The following SPIDR variants were observed in gnomAD, a reference collection of about 807,000 sequenced individuals.
SPIDR encodes scaffold protein involved in DNA repair, also known as DNA repair-scaffolding protein.
A neutral mutation model predicts 104.6 loss-of-function variants in SPIDR; 93 were observed. The ratio of observed to expected loss-of-function variants is 0.89; its 90% CI spans 0.75 to 1.06. The LOEUF (loss-of-function observed/expected upper bound fraction) is 1.06, where lower values mean the gene tolerates loss of function less well. Ranked by LOEUF, SPIDR falls within the 50% of genes least tolerant of loss-of-function variation. SPIDR has a pLI of 0.00. For synonymous variants in SPIDR, 431 were observed against 416.9 expected, an observed-to-expected ratio of 1.03 and a Z score of -0.41; for missense variants, 1,154 against 1,111.2, an observed-to-expected ratio of 1.04 and a Z score of -0.55.
intron 10 of SPIDR, among the ~76,000 whole-genome samples, chr8:47,622,671 C>T (rs1432235395): frequency 6.6e-6 from 1 of 152,154 alleles, no homozygotes; most frequent in Non-Finnish European, 1.5e-5. Context: ...AGCATCGGCC[C>T]TGCATGGATG....
At chr8:47,275,262 A>AAACAAAG (rs2036178624) in intron 1 of SPIDR, among the ~76,000 whole-genome samples, 1 of 151,920 alleles carries the variant, frequency 6.6e-6, no homozygotes, top group South Asian at 2.1e-4. Flanking sequence ...CAGTCTCAAA[A>AAACAAAG]AAAAAAGAAA....
At chr8:47,564,152 C>A (rs2057466072) in intron 8 of SPIDR, among the ~76,000 whole-genome samples, 1 of 129,576 alleles carries the variant, frequency 7.7e-6, no homozygotes, top group East Asian at 2.4e-4. Context: ...GATCTCAGTT[C>A]ACTGCAACCT....
chr8:47,311,558 C>T (rs1305470552), intron 5 of SPIDR, among the ~76,000 whole-genome samples: 1 of 152,104 alleles, frequency 6.6e-6, no homozygotes, highest in Non-Finnish European at 1.5e-5. Context: ...GTGGCTTATG[C>T]CTGTAATGCC....
At chr8:47,503,582 C>G (rs1191604824) in intron 8 of SPIDR, among the ~76,000 whole-genome samples, 2 of 151,862 alleles carry the variant, frequency 1.3e-5, no homozygotes, top group Non-Finnish European at 2.9e-5. Context: ...GGTCTCGACT[C>G]TATCCAATTT....
chr8:47,374,755 A>T (rs938949848), intron 5 of SPIDR, among the ~76,000 whole-genome samples: 1 of 152,106 alleles, frequency 6.6e-6, no homozygotes, highest in Non-Finnish European at 1.5e-5. Context: ...CAAGAATGTG[A>T]TTTTAAAACA....
intron 10 of SPIDR, among the ~76,000 whole-genome samples, chr8:47,647,654 GGGAGAGAGA>G (rs2070750082): frequency 2.6e-3 from 256 of 100,008 alleles, no homozygotes; most frequent in African/African-American, 7.7e-3. Flanking sequence ...GAGAGAGAGA[GGGAGAGAGA>G]GAGAGGGAGA....
chr8:47,499,770 T>A (rs929562931), intron 8 of SPIDR, among the ~76,000 whole-genome samples: 1 of 152,092 alleles, frequency 6.6e-6, no homozygotes, highest in African/African-American at 2.4e-5. Context: ...GTATATCTCC[T>A]AATGCTATCC....
At chr8:47,274,204 C>A (rs2154216670) in intron 1 of SPIDR, among the ~76,000 whole-genome samples, 1 of 152,264 alleles carries the variant, frequency 6.6e-6, no homozygotes, top group African/African-American at 2.4e-5. Flanking sequence ...GTATCTTTAC[C>A]TTCCCTATTT....
chr8:47,513,507 C>G (rs2082673636), intron 8 of SPIDR, among the ~76,000 whole-genome samples: 1 of 152,216 alleles, frequency 6.6e-6, no homozygotes, highest in African/African-American at 2.4e-5. Flanking sequence ...ACAGCAGTTA[C>G]ATTAACAACA....
chr8:47,321,897 G>C (rs2046687992), intron 5 of SPIDR, among the ~76,000 whole-genome samples: 1 of 152,146 alleles, frequency 6.6e-6, no homozygotes, highest in Non-Finnish European at 1.5e-5. Context: ...GCCATATGTA[G>C]AAAAGTGAAA....
At chr8:47,346,085 A>G (rs921529372) in intron 5 of SPIDR, among the ~76,000 whole-genome samples, 19 of 152,230 alleles carry the variant, frequency 1.2e-4, no homozygotes, top group Non-Finnish European at 2.4e-4. Context: ...ATTCAGCATG[A>G]CATTGGCTGT....
chr8:47,641,094 T>C (rs2068892193), intron 10 of SPIDR, among the ~76,000 whole-genome samples: 1 of 152,002 alleles, frequency 6.6e-6, no homozygotes, highest in Non-Finnish European at 1.5e-5. Context: ...AAAATGTTTT[T>C]AAATAAGCAA....
intron 5 of SPIDR, among the ~76,000 whole-genome samples, chr8:47,318,750 C>T (rs2045923305): frequency 7.0e-6 from 1 of 143,140 alleles, no homozygotes; most frequent in African/African-American, 2.6e-5. Context: ...GATCTCTCGG[C>T]AGAAACTCTA....
intron 8 of SPIDR, among the ~76,000 whole-genome samples, chr8:47,507,854 G>T (rs974226922): frequency 6.6e-6 from 1 of 152,154 alleles, no homozygotes; most frequent in African/African-American, 2.4e-5. Context: ...AGTATTGTGT[G>T]ACCCCAAAAC....
intron 5 of SPIDR, among the ~76,000 whole-genome samples, chr8:47,312,174 A>G (rs2154255151): frequency 6.6e-6 from 1 of 152,320 alleles, no homozygotes; most frequent in South Asian, 2.1e-4. Flanking sequence ...GTGCCGCAGT[A>G]AACATAGGTG....
chr8:47,348,422 T>C (rs1267631258), intron 5 of SPIDR, among the ~76,000 whole-genome samples: 1 of 152,178 alleles, frequency 6.6e-6, no homozygotes, highest in Non-Finnish European at 1.5e-5. Flanking sequence ...GACAATTATG[T>C]GTCTTGGAGT....
At chr8:47,356,931 A>G (rs1554626168) in intron 5 of SPIDR, among the ~76,000 whole-genome samples, 1 of 152,170 alleles carries the variant, frequency 6.6e-6, no homozygotes, top group East Asian at 1.9e-4. Flanking sequence ...AGTTTCCTCA[A>G]TGACCCTGTT....
At chr8:47,333,429 G>A (rs995780023) in intron 5 of SPIDR, among the ~76,000 whole-genome samples, 4 of 151,908 alleles carry the variant, frequency 2.6e-5, no homozygotes, top group South Asian at 2.1e-4. Context: ...AGCCTCCCGA[G>A]TAGCTGGGAT....
chr8:47,595,733 TTGCATTCC>T, intron 8 of SPIDR, 70 bp from the exon 9 acceptor site: 1 of 1,403,794 alleles, frequency 7.1e-7, no homozygotes, highest in Non-Finnish European at 1.0e-6. Context: ...TCATTGCTCT[TTGCATTCC>T]TGATTTAGCA....
Sources: allele counts gnomAD v4.1 joint callset (sites outside exome capture counted in the v4.1 genomes callset), GRCh38; gene constraint gnomAD v4.1.1; transcripts MANE v1.5; gene names NCBI Gene and HGNC (gene_info 2026-07-23, HGNC 2026-07-21).